Variants in CCDC92B observed in about 807,000 individuals in gnomAD.
The protein encoded by CCDC92B is coiled-coil domain-containing 92B.
In CCDC92B, 2 loss-of-function variants were observed where a neutral mutation model predicts 5.6. That is an observed-to-expected ratio of 0.36 (90% confidence interval 0.15 to 1.12). CCDC92B has a LOEUF of 1.12. CCDC92B is among the 50% of genes most tolerant of loss of function. The probability of loss-of-function intolerance (pLI) is 0.40; values close to 1 mark genes in which losing one functional copy is unlikely to be tolerated. For synonymous variants in CCDC92B, 115 were observed against 122.3 expected (o/e 0.94, Z 0.39); for missense variants, 271 against 262.2 (o/e 1.03, Z -0.23).
intron 2 of CCDC92B, among the ~76,000 whole-genome samples, chr17:2,731,339 C>T (rs984291632): frequency 3.3e-5 from 5 of 152,090 alleles, no homozygotes; most frequent in African/African-American, 1.2e-4. Context: ...CCAGCCCCAC[C>T]CCCACTCCCC....
chr17:2,746,669 G>A (rs2070990400), intron 1 of CCDC92B, among the ~76,000 whole-genome samples: 1 of 152,030 alleles, frequency 6.6e-6, no homozygotes, highest in African/African-American at 2.4e-5. Context: ...TTCTCTCCCT[G>A]CTTCAGCTGT....
At chr17:2,731,867 C>T (rs1431152275) in intron 2 of CCDC92B, among the ~76,000 whole-genome samples, 1 of 152,210 alleles carries the variant, frequency 6.6e-6, no homozygotes, top group Non-Finnish European at 1.5e-5. Context: ...CCATTAACTC[C>T]CTGTGGGTGG....
chr17:2,724,592 CGGT>C lies in CCDC92B; in HGVS notation c.584_586del (p.Asp195_Arg196delinsGly). The C allele has an allele frequency of 1.0e-6, 1 of 981,954 alleles. No individual in the cohort carries two copies. 60.8% of individuals were successfully genotyped at this position (981,954 alleles called of 1,614,324 possible). Reference sequence around the variant, plus strand: ...GGCGTCGTCGAGGGCGCCGGCCCCGCGGTCCCAGGCGGCCCAGTCCCGGCCGGG... The same window carrying C: ...GGCGTCGTCGAGGGCGCCGGCCCCGCCCCAGGCGGCCCAGTCCCGGCCGGG... On this transcript the variant is annotated inframe_deletion, in exon 4 of 4. Transcript: ENST00000614400. The surrounding 1 kb of genome is among the most constrained non-coding windows in gnomAD (Gnocchi z 5.0).
chr17:2,734,665 A>AT (rs1276155747), intron 2 of CCDC92B, among the ~76,000 whole-genome samples: 12 of 151,612 alleles, frequency 7.9e-5, no homozygotes, highest in African/African-American at 2.7e-4. Flanking sequence ...AATTTTTTGT[A>AT]TTTTAGTAGA....
At chr17:2,738,047 A>G (rs2070876130) in intron 1 of CCDC92B, among the ~76,000 whole-genome samples, 1 of 151,766 alleles carries the variant, frequency 6.6e-6, no homozygotes, top group South Asian at 2.1e-4. Flanking sequence ...ACGAATATTT[A>G]CACTGGGAAC....
In CCDC92B at chr17:2,723,197, T is replaced by G. The variant is rs2070677406; in HGVS notation, c.*1214A>C. ...CAAGAAGCCAGGCCCTTCTTCTTTT[T>G]TTCGTTTTTGAGACGGAGTTTTGCT... On this transcript the variant is annotated 3_prime_UTR_variant, in exon 4 of 4. Coordinates refer to ENST00000614400, the MANE Select transcript of CCDC92B (RefSeq NM_001355573.2). 1 of 152,944 alleles carries G rather than the reference T, an allele frequency of 6.5e-6. No individual in the cohort carries two copies. The highest frequency in any genetic ancestry group is 2.4e-5 in the African/African-American group (1 of 41,460). 9.5% of individuals were successfully genotyped at this position (152,944 alleles called of 1,614,324 possible). A position where few individuals can be genotyped will look rare whatever the true frequency, so the allele number is the denominator to read the frequency against.
In CCDC92B at chr17:2,744,176, C is replaced by A. The variant is rs189328764; in HGVS notation, c.-24+5235G>T. ...CAGGTGTGAGCCACGGCGCTGCACC[C>A]GGCCTAAATTTTTTTTTTTCATTTT... On this transcript the variant is annotated intron_variant, in intron 1 of 3. Transcript: ENST00000614400. Among the ~76,000 whole-genome samples the A allele has an allele frequency of 3.6e-3, 554 of 151,962 alleles. 6 individuals carry two copies. The highest frequency in any genetic ancestry group is 0.013 in the African/African-American group (529 of 41,436).
At chr17:2,729,349 C>T (rs1000083920) in intron 3 of CCDC92B, among the ~76,000 whole-genome samples, 4 of 151,962 alleles carry the variant, frequency 2.6e-5, no homozygotes, top group Non-Finnish European at 4.4e-5. Context: ...AAAAATTAGC[C>T]GGTGGATGGT....
At chr17:2,740,438 G>A (rs2070913140) in intron 1 of CCDC92B, among the ~76,000 whole-genome samples, 1 of 152,002 alleles carries the variant, frequency 6.6e-6, no homozygotes. Flanking sequence ...GAGGCAGGCT[G>A]ATCACTTGAG....
At chr17:2,730,566 AG>A in intron 2 of CCDC92B, 73 bp from the exon 3 acceptor site, 2 of 181,744 alleles carry the variant, frequency 1.1e-5, no homozygotes, top group Non-Finnish European at 1.5e-5. Context: ...TGTGTGTGAG[AG>A]AGAGAGAGAG....
At chr17:2,746,510 G>A (rs187166481) in intron 1 of CCDC92B, among the ~76,000 whole-genome samples, 16 of 152,186 alleles carry the variant, frequency 1.1e-4, no homozygotes, top group Admixed American at 6.5e-4. Context: ...GTCAGACTCA[G>A]GAACCTTCTG....
At chr17:2,741,363 T>C (rs2070924517) in intron 1 of CCDC92B, among the ~76,000 whole-genome samples, 1 of 152,002 alleles carries the variant, frequency 6.6e-6, no homozygotes, top group Non-Finnish European at 1.5e-5. Flanking sequence ...TAGGTTCACA[T>C]GGCGTCTTGA....
chr17:2,727,634 G>A (rs964082122), intron 3 of CCDC92B, among the ~76,000 whole-genome samples: 1 of 152,010 alleles, frequency 6.6e-6, no homozygotes, highest in South Asian at 2.1e-4. Context: ...GACCAGCCTG[G>A]CCAGCATGGC....
At chr17:2,745,666 A>G (rs1361820536) in intron 1 of CCDC92B, among the ~76,000 whole-genome samples, 2 of 152,194 alleles carry the variant, frequency 1.3e-5, no homozygotes, top group Admixed American at 1.3e-4. Context: ...CAGAAGGCCT[A>G]AGCCAGGAAA....
At chr17:2,730,684 T>A (rs1017485618) in intron 2 of CCDC92B, among the ~76,000 whole-genome samples, 191 bp from the exon 3 acceptor site, 1 of 152,026 alleles carries the variant, frequency 6.6e-6, no homozygotes, top group African/African-American at 2.4e-5. Context: ...GATGAAGAGA[T>A]GTGTCCAGGG....
At chr17:2,742,353 G>A (rs1313325480) in intron 1 of CCDC92B, among the ~76,000 whole-genome samples, 1 of 152,190 alleles carries the variant, frequency 6.6e-6, no homozygotes, top group Non-Finnish European at 1.5e-5. Flanking sequence ...CAGAGTGGAT[G>A]TGGGGAGGTC....
At chr17:2,728,104 T>G (rs2070753918) in intron 3 of CCDC92B, among the ~76,000 whole-genome samples, 1 of 151,552 alleles carries the variant, frequency 6.6e-6, no homozygotes, top group Non-Finnish European at 1.5e-5. Context: ...GGGGGGCAAA[T>G]TGCTTAAGCT....
rs555855388 is a variant in CCDC92B at position 2,728,406 on chromosome 17, G to A, written c.178+2040C>T. Reference sequence around the variant, plus strand: ...GTGGATCACGAGGTCAGGAGATCTAGACCATCCTGGCTAACACGGTGAAAC... The same window carrying A: ...GTGGATCACGAGGTCAGGAGATCTAAACCATCCTGGCTAACACGGTGAAAC... On this transcript the variant is annotated intron_variant, in intron 3 of 3. Coordinates refer to ENST00000614400, the MANE Select transcript of CCDC92B (RefSeq NM_001355573.2). Among the ~76,000 whole-genome samples, 38 of 151,906 alleles carry A rather than the reference G, an allele frequency of 2.5e-4. No individual in the cohort carries two copies. The East Asian group carries it at 7.2e-3, about 29-fold the overall frequency.
rs34254249 is a variant in CCDC92B, at chr17:2,737,465, C to CTTT, written c.-23-2300_-23-2298dup. Among the ~76,000 whole-genome samples, 284 of 60,358 alleles carry CTTT rather than the reference C, an allele frequency of 4.7e-3. 32 individuals carry two copies. The highest frequency in any genetic ancestry group is 0.02 in the African/African-American group (267 of 13,256). The allele number at this position is 60,358 out of a possible 152,430, so 39.6% of individuals were successfully genotyped here. A position where few individuals can be genotyped will look rare whatever the true frequency, so the allele number is the denominator to read the frequency against. ...CCCTAATCCAACCAAATAGGCCTTT[C>CTTT]TTTTTTTTTTTTTTTTTTTTTTTTT... On this transcript the variant is annotated intron_variant, in intron 1 of 3. Coordinates refer to ENST00000614400, the MANE Select transcript of CCDC92B (RefSeq NM_001355573.2).
Sources: allele counts gnomAD v4.1 joint callset (sites outside exome capture counted in the v4.1 genomes callset), GRCh38; gene constraint gnomAD v4.1.1; non-coding constraint Gnocchi (gnomAD v3.1); transcripts MANE v1.5; gene names NCBI Gene and HGNC (gene_info 2026-07-23, HGNC 2026-07-21).